Variants in ADAMTSL1 observed in about 807,000 individuals in gnomAD.
ADAMTSL1 encodes ADAMTS like 1.
ADAMTSL1 carries 126 observed loss-of-function variants against 201.8 expected under a neutral mutation model. The observed-to-expected ratio is 0.62, with a 90% CI of 0.54 to 0.72. The LOEUF (loss-of-function observed/expected upper bound fraction) is 0.72, where lower values mean the gene tolerates loss of function less well. Among genes scored for constraint, ADAMTSL1 ranks in the 30% least tolerant of loss-of-function variants. The pLI is 0.00. For synonymous variants in ADAMTSL1, 1,121 were observed against 903.4 expected (o/e 1.24, Z -4.32); for missense variants, 2,679 against 2,277.8 (o/e 1.18, Z -3.59).
chr9:18,775,539 C>A (rs77808770), intron 17 of ADAMTSL1, among the ~76,000 whole-genome samples: 1 of 152,278 alleles, frequency 6.6e-6, no homozygotes, highest in East Asian at 1.9e-4. Context: ...TTCAGGAAAC[C>A]TCAGAGTAGA....
chr9:18,219,988 T>TATAATTGATTATTTTTTATTTC (rs1307664513), intron 2 of ADAMTSL1, among the ~76,000 whole-genome samples: 2 of 152,172 alleles, frequency 1.3e-5, no homozygotes, highest in Non-Finnish European at 2.9e-5. Flanking sequence ...TTTTTTATTT[T>TATAATTGATTATTTTTTATTTC]ATAATTGATT....
intron 2 of ADAMTSL1, among the ~76,000 whole-genome samples, chr9:18,241,394 C>G (rs1831055711): frequency 6.6e-6 from 1 of 152,132 alleles, no homozygotes. Flanking sequence ...CTTGATCACA[C>G]TTTCTTAAGC....
intron 8 of ADAMTSL1, among the ~76,000 whole-genome samples, chr9:18,660,321 G>A (rs1828998710): frequency 6.6e-6 from 1 of 152,118 alleles, no homozygotes; most frequent in Non-Finnish European, 1.5e-5. Context: ...CTCTGTTTCT[G>A]GTTCCAGATT....
intron 1 of ADAMTSL1, among the ~76,000 whole-genome samples, chr9:17,978,959 CAG>C (rs951593436): frequency 3.5e-5 from 1 of 28,662 alleles, no homozygotes; most frequent in African/African-American, 6.1e-5. Context: ...TCTTGGTTGA[CAG>C]TTTTTTTTTT....
intron 2 of ADAMTSL1, among the ~76,000 whole-genome samples, chr9:18,448,337 G>A (rs1027419832): frequency 2.0e-5 from 3 of 152,054 alleles, no homozygotes; most frequent in African/African-American, 7.2e-5. Context: ...TGCTGTCAGG[G>A]GAAAATTATT....
intron 2 of ADAMTSL1, among the ~76,000 whole-genome samples, chr9:18,280,904 C>G (rs575753567): frequency 7.5e-6 from 1 of 133,978 alleles, no homozygotes; most frequent in East Asian, 2.3e-4. Flanking sequence ...GAGACAAGGT[C>G]TCACTCTGTC....
intron 2 of ADAMTSL1, among the ~76,000 whole-genome samples, chr9:18,315,589 C>A (rs760519569): frequency 3.9e-5 from 6 of 152,170 alleles, no homozygotes; most frequent in Admixed American, 1.3e-4. Context: ...GGCCCAGGTG[C>A]TAAGTCCCTC....
At chr9:18,139,834 C>T (rs1005650322) in intron 1 of ADAMTSL1, among the ~76,000 whole-genome samples, 2 of 151,984 alleles carry the variant, frequency 1.3e-5, no homozygotes, top group East Asian at 3.9e-4. Flanking sequence ...GTGGTTCATC[C>T]CCTAAATTAA....
chr9:17,987,886 A>C (rs2131489169), intron 1 of ADAMTSL1, among the ~76,000 whole-genome samples: 1 of 152,244 alleles, frequency 6.6e-6, no homozygotes, highest in East Asian at 1.9e-4. Context: ...TCTCTGTGAT[A>C]ACCCAGGATA....
At chr9:18,733,204 G>C (rs144660875) in intron 15 of ADAMTSL1, among the ~76,000 whole-genome samples, 1 of 152,310 alleles carries the variant, frequency 6.6e-6, no homozygotes, top group African/African-American at 2.4e-5. Context: ...TAGTCTCATA[G>C]CAGCGTACAA....
chr9:18,870,907 A>C (rs1361551507), intron 23 of ADAMTSL1, among the ~76,000 whole-genome samples: 2 of 152,170 alleles, frequency 1.3e-5, no homozygotes, highest in Non-Finnish European at 2.9e-5. Flanking sequence ...AGTTGTTTTA[A>C]GAGTTTTCTG....
chr9:17,913,232 GA>G (rs1405800411), intron 1 of ADAMTSL1, among the ~76,000 whole-genome samples: 2 of 152,116 alleles, frequency 1.3e-5, no homozygotes, highest in Non-Finnish European at 2.9e-5. Flanking sequence ...ATTCTGTGAA[GA>G]AAGTCCTTGG....
intron 2 of ADAMTSL1, among the ~76,000 whole-genome samples, chr9:18,350,862 T>A (rs1036819195): frequency 2.0e-5 from 3 of 152,150 alleles, no homozygotes; most frequent in African/African-American, 7.2e-5. Context: ...AAATACAGAC[T>A]ATGATATTCT....
intron 1 of ADAMTSL1, among the ~76,000 whole-genome samples, chr9:18,005,843 C>G (rs1182392534): frequency 6.6e-6 from 1 of 152,028 alleles, no homozygotes; most frequent in Non-Finnish European, 1.5e-5. Flanking sequence ...CCTCTCTTCA[C>G]TGCCCTGCAG....
chr9:18,398,985 A>G (rs1817857008), intron 2 of ADAMTSL1, among the ~76,000 whole-genome samples: 1 of 151,994 alleles, frequency 6.6e-6, no homozygotes, highest in Non-Finnish European at 1.5e-5. Context: ...TTAAGATAGT[A>G]TGTTGAAGTG....
At chr9:18,503,715 A>G (rs1822970453) in intron 1 of ADAMTSL1, among the ~76,000 whole-genome samples, 1 of 151,998 alleles carries the variant, frequency 6.6e-6, no homozygotes, top group Non-Finnish European at 1.5e-5. Context: ...GTGCTATCTC[A>G]TCTCCCTTTC....
At chr9:18,635,713 A>AT (rs1377186412) in intron 5 of ADAMTSL1, among the ~76,000 whole-genome samples, 1 of 152,198 alleles carries the variant, frequency 6.6e-6, no homozygotes, top group East Asian at 1.9e-4. Context: ...CAAAATTCCT[A>AT]TTTTTTAAAA....
In ADAMTSL1 at chr9:18,736,679, T is replaced by A. The variant is rs1005306384; in HGVS notation, c.2006+15014T>A. Among the ~76,000 whole-genome samples, 22 of 152,342 alleles carry A rather than the reference T, an allele frequency of 1.4e-4. 1 individual carries two copies. The highest frequency in any genetic ancestry group is 1.2e-3 in the Admixed American group (18 of 15,308). On this transcript the variant is annotated intron_variant, in intron 15 of 28. Coordinates refer to ENST00000380548, the MANE Select transcript of ADAMTSL1 (RefSeq NM_001040272.6). ...CTTACTGCAGTTGTGTGTTTGTATG[T>A]GTGTAGAAAGTGGTCCCATGGATTA...
chr9:18,870,360 C>T (rs879704840), intron 23 of ADAMTSL1, among the ~76,000 whole-genome samples: 2 of 152,146 alleles, frequency 1.3e-5, no homozygotes, highest in Non-Finnish European at 2.9e-5. Flanking sequence ...CTCTGAAGAA[C>T]ATTTATTTTT....
Sources: gnomAD v4.1 joint callset for allele counts (sites outside exome capture counted in the v4.1 genomes callset) on GRCh38, gnomAD v4.1.1 for gene constraint, MANE v1.5 for transcripts, NCBI Gene and HGNC (gene_info 2026-07-23, HGNC 2026-07-21) for gene names.